The following SYT1 variants were observed in gnomAD, a reference collection of about 807,000 sequenced individuals.
SYT1 encodes the protein synaptotagmin 1, also known as synaptotagmin-1.
In SYT1, 8 loss-of-function variants were observed where a neutral mutation model predicts 44.8. The observed-to-expected ratio is 0.18, with a 90% CI of 0.10 to 0.32. The LOEUF (loss-of-function observed/expected upper bound fraction) is 0.32, where lower values mean the gene tolerates loss of function less well. Among genes scored for constraint, SYT1 ranks in the 10% least tolerant of loss-of-function variants. The pLI is 1.00. For synonymous variants in SYT1, 154 were observed against 188.8 expected (o/e 0.82, Z 1.51); for missense variants, 286 against 509.3 (o/e 0.56, Z 4.22).
At chr12:78,914,795 A>G (rs1254988123) in intron 1 of SYT1, among the ~76,000 whole-genome samples, 1 of 152,034 alleles carries the variant, frequency 6.6e-6, no homozygotes, top group East Asian at 1.9e-4. Flanking sequence ...TTTTCTATGT[A>G]TTTTTATGTA....
chr12:78,899,834 G>T (rs1441202989), intron 1 of SYT1, among the ~76,000 whole-genome samples: 1 of 151,848 alleles, frequency 6.6e-6, no homozygotes, highest in African/African-American at 2.4e-5. Flanking sequence ...TAATTTTATA[G>T]CTAGATTATT....
Position 79,353,482 on chromosome 12 carries a change from T to C in SYT1, c.811-20T>C. ...CTTGTATTTGAAAAATTGCTAATAC[T>C]TTCTTATTGGTTTTCTTAGCAAGAG... On this transcript the variant is annotated intron_variant, in intron 8 of 10. Coordinates refer to ENST00000261205, the MANE Select transcript of SYT1 (RefSeq NM_005639.3). The C allele has an allele frequency of 6.4e-7, 1 of 1,558,006 alleles. No individual in the cohort carries two copies.
chr12:79,159,152 G>T (rs913714136), intron 3 of SYT1, among the ~76,000 whole-genome samples: 1 of 152,172 alleles, frequency 6.6e-6, no homozygotes, highest in Non-Finnish European at 1.5e-5. Context: ...AGACAGCAAA[G>T]GTTTCCAAAG....
intron 8 of SYT1, among the ~76,000 whole-genome samples, chr12:79,331,048 C>A (rs1881833401): frequency 6.6e-6 from 1 of 152,090 alleles, no homozygotes; most frequent in Admixed American, 6.5e-5. Context: ...GAAAAATTGC[C>A]CCAGCTTAAC....
chr12:78,921,400 G>A (rs1569033), intron 1 of SYT1, among the ~76,000 whole-genome samples: 13,501 of 151,934 alleles, frequency 0.089, 840 homozygotes, highest in East Asian at 0.3. Context: ...AAAGCAGTCA[G>A]TAGATGCTAG....
chr12:79,420,001 G>A (rs1039127516), intron 9 of SYT1, among the ~76,000 whole-genome samples: 1 of 152,110 alleles, frequency 6.6e-6, no homozygotes, highest in African/African-American at 2.4e-5. Context: ...TATCTGTGTT[G>A]ATTAAAGTAA....
chr12:79,158,511 A>C, intron 3 of SYT1, among the ~76,000 whole-genome samples: 1 of 152,196 alleles, frequency 6.6e-6, no homozygotes, highest in East Asian at 1.9e-4. Context: ...GTACTGGTCC[A>C]TGGCCTGTAG....
chr12:79,028,616 T>C (rs1209698074), intron 2 of SYT1, among the ~76,000 whole-genome samples: 6 of 151,258 alleles, frequency 4.0e-5, no homozygotes, highest in Non-Finnish European at 8.9e-5. Flanking sequence ...AAATGATCCC[T>C]TTTCCCCCAA....
rs1424604692 is a variant in SYT1 at position 79,293,677 on chromosome 12, A to T, written c.474+1547A>T. ...AGCAGTTGCAGAAATTCTGTGCTTT[A>T]TTTAGGAATTGACAGTTCTAATAAT... On this transcript the variant is annotated intron_variant, in intron 6 of 10. Transcript: ENST00000261205. Among the ~76,000 whole-genome samples, 3 of 152,202 alleles carry T rather than the reference A, an allele frequency of 2.0e-5. No homozygotes were observed. The East Asian group carries it at 5.8e-4, about 29-fold the overall frequency.
chr12:79,323,683 G>C (rs1881472199), intron 8 of SYT1, among the ~76,000 whole-genome samples: 1 of 151,898 alleles, frequency 6.6e-6, no homozygotes, highest in South Asian at 2.1e-4. Context: ...TATTAAAATA[G>C]GCTCAATTTT....
chr12:79,093,601 C>G (rs776421055), intron 3 of SYT1, among the ~76,000 whole-genome samples: 8 of 151,496 alleles, frequency 5.3e-5, no homozygotes, highest in Admixed American at 4.6e-4. Context: ...TCAGTTTAAC[C>G]TTACAATATT....
chr12:79,166,212 A>G (rs1266363505), intron 3 of SYT1, among the ~76,000 whole-genome samples: 1 of 151,992 alleles, frequency 6.6e-6, no homozygotes, highest in Non-Finnish European at 1.5e-5. Flanking sequence ...ACAATTTTTC[A>G]GAAGGCAATT....
chr12:79,044,086 A>C lies in SYT1; in HGVS notation c.-83-3211A>C, dbSNP rs1851856404. 3.3e-5 allele frequency among the ~76,000 whole-genome samples: 5 copies of C among 152,052 alleles called. No individual in the cohort carries two copies. In the South Asian group the frequency reaches 1.0e-3, roughly 32 times the overall value. ...TTTTTCCTTCATTTCAACTTTGGTG[A>C]ATCTGACAATTATGTGTCTTGGAGT... On this transcript the variant is annotated intron_variant, in intron 2 of 10. Transcript: ENST00000261205.
chr12:78,960,320 C>T (rs1351607751), intron 1 of SYT1: 3 of 152,154 alleles, frequency 2.0e-5, no homozygotes, highest in Non-Finnish European at 4.4e-5. Flanking sequence ...ATATATACAG[C>T]AATCTGGCAA....
chr12:79,384,258 T>C (rs1402135876), intron 9 of SYT1, among the ~76,000 whole-genome samples: 1 of 152,196 alleles, frequency 6.6e-6, no homozygotes, highest in Non-Finnish European at 1.5e-5. Flanking sequence ...TATGCTCATT[T>C]GCAACTGCAA....
intron 2 of SYT1, among the ~76,000 whole-genome samples, chr12:78,979,003 T>C (rs956586571): frequency 6.6e-6 from 1 of 152,190 alleles, no homozygotes; most frequent in Non-Finnish European, 1.5e-5. Context: ...TACTAGAACT[T>C]TCTCCTATCT....
At chr12:78,871,269 T>C (rs189758319) in intron 1 of SYT1, among the ~76,000 whole-genome samples, 190 of 152,160 alleles carry the variant, frequency 1.2e-3, no homozygotes, top group African/African-American at 4.3e-3. Context: ...GGATAGATTA[T>C]TAATAATGTA....
At chr12:79,032,043 A>G (rs2137675578) in intron 2 of SYT1, among the ~76,000 whole-genome samples, 1 of 151,322 alleles carries the variant, frequency 6.6e-6, no homozygotes, top group Non-Finnish European at 1.5e-5. Flanking sequence ...TCACGTTTAC[A>G]TAAAAGTCAG....
intron 2 of SYT1, among the ~76,000 whole-genome samples, chr12:79,013,856 C>T (rs545817817): frequency 1.3e-5 from 2 of 151,892 alleles, no homozygotes; most frequent in Non-Finnish European, 2.9e-5. Context: ...GGCCGGACGC[C>T]GTGGCTCACG....
Sources: gnomAD v4.1 joint callset for allele counts (sites outside exome capture counted in the v4.1 genomes callset) on GRCh38, gnomAD v4.1.1 for gene constraint, MANE v1.5 for transcripts, NCBI Gene and HGNC (gene_info 2026-07-23, HGNC 2026-07-21) for gene names.